Variants in SOX6 observed in about 807,000 individuals in gnomAD.
SOX6 encodes the protein SRY-box transcription factor 6.
Under a neutral mutation model 97.8 loss-of-function variants are expected in SOX6, and 11 were observed. The observed-to-expected ratio is 0.11, with a 90% CI of 0.07 to 0.19. SOX6 has a LOEUF of 0.19. SOX6 is among the 10% of genes least tolerant of loss of function. The pLI, the probability that SOX6 is intolerant of heterozygous loss-of-function variation, is 1.00. For missense variants in SOX6, 810 were observed against 1,039.5 expected (o/e 0.78, Z 3.04); for synonymous variants, 360 against 371.4 (o/e 0.97, Z 0.35).
In SOX6 at chr11:16,188,229, CA is replaced by C. The variant is rs5789943; in HGVS notation, c.536-1275del. Reference sequence around the variant, plus strand: ...GGGATTCTTAATGTCAACTCAGGTCCAAAAAAAAAAAAAAAAAGAAAAGCTG... The same window carrying C: ...GGGATTCTTAATGTCAACTCAGGTCCAAAAAAAAAAAAAAAAGAAAAGCTG... On this transcript the variant is annotated intron_variant, in intron 4 of 15. Coordinates refer to ENST00000683767, the MANE Select transcript of SOX6 (RefSeq NM_001367873.1). Among the ~76,000 whole-genome samples, 98 of 113,554 alleles carry C rather than the reference CA, an allele frequency of 8.6e-4. No homozygotes were observed. The South Asian group carries it at 9.9e-3, about 11-fold the overall frequency. 74.5% of individuals were successfully genotyped at this position (113,554 alleles called of 152,430 possible). A position where few individuals can be genotyped will look rare whatever the true frequency, so the allele number is the denominator to read the frequency against.
intron 3 of SOX6, among the ~76,000 whole-genome samples, chr11:16,243,394 T>C (rs1216268152): frequency 6.6e-6 from 1 of 151,966 alleles, no homozygotes; most frequent in Non-Finnish European, 1.5e-5. Flanking sequence ...ACTTTGTGTT[T>C]TTCCATAATG....
intron 1 of SOX6, among the ~76,000 whole-genome samples, chr11:16,451,875 A>AG (rs1554968271): frequency 1.3e-5 from 2 of 151,776 alleles, no homozygotes; most frequent in African/African-American, 4.8e-5. Flanking sequence ...TCAAAAAAAA[A>AG]TTTTTTTAAT....
chr11:16,479,010 T>C (rs1181175181), upstream of SOX6, among the ~76,000 whole-genome samples: 3 of 152,200 alleles, frequency 2.0e-5, no homozygotes, highest in Admixed American at 2.0e-4. Context: ...AGAGTGACCA[T>C]GGGTTAAAGA....
At chr11:16,093,100 T>A (rs1331244410) in intron 9 of SOX6, among the ~76,000 whole-genome samples, 1 of 152,008 alleles carries the variant, frequency 6.6e-6, no homozygotes, top group Non-Finnish European at 1.5e-5. Context: ...CATTGTTTAC[T>A]GTAGCAAGTG....
intron 13 of SOX6, among the ~76,000 whole-genome samples, chr11:16,005,343 C>T (rs1015007260): frequency 2.6e-5 from 4 of 151,560 alleles, no homozygotes; most frequent in Non-Finnish European, 5.9e-5. Flanking sequence ...CTCACATCTC[C>T]GCAGTTCCCA....
chr11:16,133,268 CCTT>C (rs1849868788), intron 6 of SOX6, among the ~76,000 whole-genome samples: 1 of 152,170 alleles, frequency 6.6e-6, no homozygotes, highest in Admixed American at 6.5e-5. Context: ...TTCATGTTCT[CCTT>C]CTCTAGAGAT....
intron 12 of SOX6, among the ~76,000 whole-genome samples, chr11:16,036,711 C>T (rs1855529338): frequency 6.6e-6 from 1 of 152,124 alleles, no homozygotes; most frequent in South Asian, 2.1e-4. Flanking sequence ...GCAGAAAGTT[C>T]AGATAGCTTT....
chr11:16,361,278 A>G (rs1857205087), upstream of SOX6, among the ~76,000 whole-genome samples: 1 of 152,176 alleles, frequency 6.6e-6, no homozygotes, highest in Non-Finnish European at 1.5e-5. Flanking sequence ...ACTTTACAAT[A>G]AAACCTTCAC....
At chr11:16,406,099 T>C (rs557272920) in intron 1 of SOX6, among the ~76,000 whole-genome samples, 2 of 152,184 alleles carry the variant, frequency 1.3e-5, no homozygotes, top group African/African-American at 4.8e-5. Context: ...ATGGACTAGA[T>C]AGAAAATATC....
intron 6 of SOX6, among the ~76,000 whole-genome samples, chr11:16,181,214 TA>T (rs1290337057): frequency 6.6e-6 from 1 of 151,720 alleles, no homozygotes; most frequent in Non-Finnish European, 1.5e-5. Context: ...CCATGTAAGC[TA>T]ATAGGTTCTA....
intron 6 of SOX6, among the ~76,000 whole-genome samples, chr11:16,149,320 C>T (rs76280183): frequency 3.3e-5 from 5 of 152,084 alleles, no homozygotes; most frequent in Non-Finnish European, 7.4e-5. Context: ...GTAGGCTCTA[C>T]AGTAATTTCC....
intron 4 of SOX6, among the ~76,000 whole-genome samples, chr11:16,216,316 A>G (rs1565025976): frequency 6.6e-6 from 1 of 152,212 alleles, no homozygotes; most frequent in Non-Finnish European, 1.5e-5. Context: ...TAACACAATG[A>G]TGGGCAAATA....
At chr11:16,692,289 AT>A (rs1266131204) in intron 3 of SOX6, among the ~76,000 whole-genome samples, 1 of 152,070 alleles carries the variant, frequency 6.6e-6, no homozygotes, top group East Asian at 1.9e-4. Context: ...CAGGCTGGTG[AT>A]CCACCCACCT....
intron 4 of SOX6, among the ~76,000 whole-genome samples, chr11:16,546,659 G>A (rs4132991): frequency 0.17 from 26,071 of 152,022 alleles, 2,771 homozygotes; most frequent in East Asian, 0.32. Flanking sequence ...CTATAAAACC[G>A]CTAGGAGAAA....
intron 1 of SOX6, among the ~76,000 whole-genome samples, chr11:16,373,821 G>GAGGA (rs149710263): frequency 9.5e-5 from 10 of 105,502 alleles, no homozygotes; most frequent in African/African-American, 3.8e-4. Flanking sequence ...GGGAGGGAGA[G>GAGGA]AGGAAGGAAG....
intron 6 of SOX6, among the ~76,000 whole-genome samples, chr11:16,147,815 A>G (rs887146348): frequency 2.6e-5 from 4 of 152,172 alleles, no homozygotes; most frequent in Non-Finnish European, 5.9e-5. Flanking sequence ...TCAGATTTAA[A>G]TCTTCTAGTT....
Position 15,985,444 on chromosome 11 carries a change from G to A in SOX6, c.2183+760C>T, listed in dbSNP as rs1402497716. Among the ~76,000 whole-genome samples the A allele has an allele frequency of 4.6e-5, 7 of 152,120 alleles. No homozygotes were observed. In the East Asian group the frequency reaches 1.4e-3, roughly 29 times the overall value. On this transcript the variant is annotated intron_variant, in intron 15 of 15. Transcript: ENST00000683767. ...AGGTCTGTGCCTCAAATGGCCCTCT[G>A]GATTTGCCACCCTGCTGTGCTTCTA...
At chr11:16,141,700 G>C in intron 6 of SOX6, among the ~76,000 whole-genome samples, 1 of 152,200 alleles carries the variant, frequency 6.6e-6, no homozygotes, top group East Asian at 1.9e-4. Context: ...CACACCAGGA[G>C]ATTATATTCG....
At chr11:16,463,318 T>C (rs1859967590) in intron 1 of SOX6, among the ~76,000 whole-genome samples, 1 of 152,210 alleles carries the variant, frequency 6.6e-6, no homozygotes, top group Admixed American at 6.5e-5. Context: ...GGCACTGTGC[T>C]AGAAACTCCA....
Sources: gnomAD v4.1 joint callset for allele counts (sites outside exome capture counted in the v4.1 genomes callset) on GRCh38, gnomAD v4.1.1 for gene constraint, MANE v1.5 for transcripts, NCBI Gene and HGNC (gene_info 2026-07-23, HGNC 2026-07-21) for gene names.